The following LRRK2 variants were observed in gnomAD, a reference collection of about 807,000 sequenced individuals.
LRRK2 encodes leucine-rich repeat serine/threonine-protein kinase 2.
Under a neutral mutation model 302.6 loss-of-function variants are expected in LRRK2, and 203 were observed. That is an observed-to-expected ratio of 0.67 (90% confidence interval 0.60 to 0.75). The LOEUF is 0.75. LRRK2 is among the 30% of genes least tolerant of loss of function. The pLI, the probability that LRRK2 is intolerant of heterozygous loss-of-function variation, is 0.00. For synonymous variants in LRRK2, 1,066 were observed against 1,031.9 expected, an observed-to-expected ratio of 1.03 and a Z score of -0.63; for missense variants, 2,830 against 2,951.0, an observed-to-expected ratio of 0.96 and a Z score of 0.95.
intron 6 of LRRK2, among the ~76,000 whole-genome samples, chr12:40,242,712 G>A (rs1941785680): frequency 7.0e-6 from 1 of 143,332 alleles, no homozygotes; most frequent in Non-Finnish European, 1.5e-5. Context: ...TCTCCAATGG[G>A]GTTGAGCCTC....
At chr12:40,367,607 A>T (rs878936996) in intron 50 of LRRK2, 37 bp from the exon 51 acceptor site, 1 of 1,587,702 alleles carries the variant, frequency 6.3e-7, no homozygotes, top group South Asian at 1.2e-5. Flanking sequence ...TTTATGATGG[A>T]TCTTTGAAAC....
intron 25 of LRRK2, among the ~76,000 whole-genome samples, chr12:40,300,537 T>G (rs1592251916): frequency 6.6e-6 from 1 of 152,304 alleles, no homozygotes; most frequent in East Asian, 1.9e-4. Flanking sequence ...TTGTCAGAGC[T>G]TTCAGAAACT....
Position 40,225,617 on chromosome 12 carries a change from A to G in LRRK2, c.214A>G (p.Met72Val), listed in dbSNP as rs1940833888. The G allele has an allele frequency of 6.2e-7, 1 of 1,614,000 alleles. No individual in the cohort carries two copies. Among genetic ancestry groups the G allele is most frequent in the Non-Finnish European group, 8.5e-7 (1 of 1,179,936 alleles). The change falls in exon 2 of 51, where the codon ATG (methionine) becomes GTG (valine). Residue 72 changes from methionine to valine, a missense_variant. By Grantham distance (21) the Met-to-Val change is conservative (BLOSUM62 1). Around this residue, in one of 3 missense-constraint regions of LRRK2, gnomAD observed 2,121 missense variants for 2,148.0 expected, o/e 0.99. Transcript: ENST00000298910. ...TCTGTTGATCGTCTTGGACTCCTAT[A>G]TGAGAGTCGCGAGTGTGCAGCAGGT... ...VPLLIVLDSYMRVASVQQVGW... is the reference protein window; with the variant it reads ...VPLLIVLDSYVRVASVQQVGW...
Position 40,232,374 on chromosome 12 carries a change from G to T in LRRK2, c.338G>T (p.Gly113Val), listed in dbSNP as rs199717383. 9.9e-6 allele frequency: 16 copies of T among 1,610,786 alleles called. No individual in the cohort carries two copies. The highest frequency in any genetic ancestry group is 7.6e-6 in the Non-Finnish European group (9 of 1,177,072). Residue 113 changes from glycine (G) to valine (V), a missense_variant, in exon 3 of 51, where the codon GGT becomes GTT. Physicochemically the swap from Gly to Val is moderately radical, Grantham distance 109. Transcript: ENST00000298910. ...QDVGNDWEVL[G>V]VHQLILKMLT... is the part of the protein sequence containing the mutation. ...GTTGGAAATGATTGGGAAGTCCTTGGTGTTCACCAGTAAGTATGATAGATA... is the reference window on the plus strand; with the variant it reads ...GTTGGAAATGATTGGGAAGTCCTTGTTGTTCACCAGTAAGTATGATAGATA...
chr12:40,357,942 A>AT (rs1453313838), intron 46 of LRRK2, among the ~76,000 whole-genome samples: 1 of 151,872 alleles, frequency 6.6e-6, no homozygotes, highest in African/African-American at 2.4e-5. Context: ...CTGGCTGTTT[A>AT]TTTTTTGTAG....
At chr12:40,293,495 A>C (rs1353485844) in intron 20 of LRRK2, 50 bp from the exon 21 acceptor site, 58 of 1,158,956 alleles carry the variant, frequency 5.0e-5, no homozygotes, top group Non-Finnish European at 7.3e-5. Flanking sequence ...CTTATGATTG[A>C]GTAAGCTTTT....
At chr12:40,321,680 G>T (rs986058114) in intron 35 of LRRK2, among the ~76,000 whole-genome samples, 6 of 151,994 alleles carry the variant, frequency 3.9e-5, no homozygotes, top group African/African-American at 1.4e-4. Context: ...TCAACATATA[G>T]GTAGTTACAT....
chr12:40,245,597 ATT>A lies in LRRK2; in HGVS notation c.838+1919_838+1920del, dbSNP rs1220308759. On this transcript the variant is annotated intron_variant, in intron 7 of 50. Coordinates refer to ENST00000298910, the MANE Select transcript of LRRK2 (RefSeq NM_198578.4). ...CAGTTCCTTGGAAAACACTGTTGAGATTTTGACTGGAATTGCACAAAATATGT... is the reference window on the plus strand; with the variant it reads ...CAGTTCCTTGGAAAACACTGTTGAGATTGACTGGAATTGCACAAAATATGT... Among the ~76,000 whole-genome samples the A allele has an allele frequency of 5.3e-5, 8 of 152,168 alleles. No individual in the cohort carries two copies. In the East Asian group the frequency reaches 1.2e-3, roughly 22 times the overall value.
At chr12:40,244,731 T>G (rs1303456861) in intron 7 of LRRK2, among the ~76,000 whole-genome samples, 1 of 90,424 alleles carries the variant, frequency 1.1e-5, no homozygotes, top group African/African-American at 4.4e-5. Flanking sequence ...TGGGGACTGT[T>G]GTGGGGTGGG....
At chr12:40,326,465 CA>C (rs1360220415) in intron 38 of LRRK2, among the ~76,000 whole-genome samples, 29 of 60,688 alleles carry the variant, frequency 4.8e-4, no homozygotes, top group Admixed American at 6.2e-4. Context: ...GACTCTGTCT[CA>C]AAAAAAAAAA....
intron 28 of LRRK2, among the ~76,000 whole-genome samples, chr12:40,306,921 C>T (rs907437498): frequency 2.0e-5 from 3 of 151,964 alleles, no homozygotes; most frequent in Admixed American, 1.3e-4. Flanking sequence ...CTTCATCCTA[C>T]CCAATTATTT....
At chr12:40,317,059 C>T (rs1489994004) in intron 33 of LRRK2, among the ~76,000 whole-genome samples, 1 of 151,810 alleles carries the variant, frequency 6.6e-6, no homozygotes, top group African/African-American at 2.4e-5. Context: ...ATCAGAACTC[C>T]CCTTTTAAAA....
intron 44 of LRRK2, among the ~76,000 whole-genome samples, chr12:40,352,916 C>T (rs1313089343): frequency 2.0e-5 from 3 of 152,260 alleles, no homozygotes; most frequent in Non-Finnish European, 4.4e-5. Context: ...ACATTTCCCC[C>T]TTTTCTACTC....
chr12:40,366,965 A>T, intron 49 of LRRK2, 41 bp from the exon 50 acceptor site: 1 of 1,472,816 alleles, frequency 6.8e-7, no homozygotes, highest in Non-Finnish European at 9.5e-7. Context: ...AGTTTAATAT[A>T]TAGTTTTAAC....
rs910431246 is a variant in LRRK2, at chr12:40,367,032, T to C, written c.7417T>C (p.Leu2473=). 1 of 1,609,652 alleles carries C rather than the reference T, an allele frequency of 6.2e-7. No homozygotes were observed. Among genetic ancestry groups the C allele is most frequent in the Admixed American group, 1.7e-5 (1 of 59,704 alleles). The part of the protein sequence containing the change: ...LGSLKNVMLV[L]GYNRKNTEGT... ...AAGCCTTAAAAATGTCATGCTGGTA[T>C]TGGGCTACAACCGGAAAAATACTGA... The change falls in exon 50 of 51, where the codon TTG becomes CTG. Residue 2473 remains leucine, a synonymous_variant. Coordinates refer to ENST00000298910, the MANE Select transcript of LRRK2 (RefSeq NM_198578.4).
intron 14 of LRRK2, 52 bp from the exon 15 acceptor site, chr12:40,274,526 TAACTA>T (rs1362464290): frequency 7.6e-5 from 121 of 1,582,102 alleles, no homozygotes; most frequent in Middle Eastern, 2.1e-4. Flanking sequence ...TAACTGGTCT[TAACTA>T]AGGTAAGTAT....
intron 4 of LRRK2, among the ~76,000 whole-genome samples, chr12:40,236,451 AC>A (rs1198436924): frequency 6.6e-6 from 1 of 152,182 alleles, no homozygotes; most frequent in African/African-American, 2.4e-5. Flanking sequence ...GGACCTGAAA[AC>A]AAAAAATCTT....
In LRRK2 at chr12:40,302,875, C is replaced by A; in HGVS notation, c.3583C>A (p.Leu1195Ile). Residue 1195 changes from leucine to isoleucine, a missense_variant, in exon 26 of 51, where the codon CTT (leucine) becomes ATT (isoleucine). Transcript: ENST00000298910. ...FSCIPEAILNLPHLRSLDMSS... is the reference protein window; with the variant it reads ...FSCIPEAILNIPHLRSLDMSS... ...CTGTATTCCAGAAGCAATTTTAAAT[C>A]TTCCACAGTAAGTTTATTGTTATTT... 1 of 1,561,030 alleles carries A rather than the reference C, an allele frequency of 6.4e-7. No homozygotes were observed. The highest frequency in any genetic ancestry group is 1.1e-5 in the South Asian group (1 of 89,864).
At chr12:40,259,367 G>C (rs924024765) in intron 12 of LRRK2, 113 bp from the exon 13 acceptor site, 6 of 1,327,816 alleles carry the variant, frequency 4.5e-6, no homozygotes, top group Non-Finnish European at 6.5e-6. Flanking sequence ...TTTTCATATA[G>C]TCTTTCCTGA....
Sources: gnomAD v4.1 joint callset for allele counts (sites outside exome capture counted in the v4.1 genomes callset) on GRCh38, gnomAD v4.1.1 for gene constraint, gnomAD v4.1.1 regional missense constraint, MANE v1.5 for transcripts, NCBI Gene and HGNC (gene_info 2026-07-23, HGNC 2026-07-21) for gene names.